The following GRM8 variants were observed in gnomAD, a reference collection of about 807,000 sequenced individuals.
GRM8 encodes glutamate metabotropic receptor 8.
Under a neutral mutation model 87.2 loss-of-function variants are expected in GRM8, and 47 were observed. That is an observed-to-expected ratio of 0.54 (90% confidence interval 0.43 to 0.69). The LOEUF (loss-of-function observed/expected upper bound fraction) is 0.69. GRM8 is among the 30% of genes least tolerant of loss of function. GRM8 has a pLI of 0.00. For missense variants in GRM8, 1,019 were observed against 1,139.2 expected, an observed-to-expected ratio of 0.89 and a Z score of 1.52; for synonymous variants, 396 against 404.5, an observed-to-expected ratio of 0.98 and a Z score of 0.25.
chr7:127,015,056 A>G lies in GRM8; in HGVS notation c.727+91440T>C, dbSNP rs1563413230. ...GAAGAAGAAGAAGAAGAAGAAGAAG[A>G]AGAAGAAGAAGAAAGAAAGAAGGAG... On this transcript the variant is annotated intron_variant, in intron 3 of 10. Coordinates refer to ENST00000339582, the MANE Select transcript of GRM8 (RefSeq NM_000845.3). Among the ~76,000 whole-genome samples the G allele has an allele frequency of 2.8e-4, 35 of 122,866 alleles. 1 individual carries two copies. The highest frequency in any genetic ancestry group is 2.0e-3 in the South Asian group (7 of 3,578). The allele number at this position is 122,866 out of a possible 152,430, so 80.6% of individuals were successfully genotyped here. A position where few individuals can be genotyped will look rare whatever the true frequency, so the allele number is the denominator to read the frequency against.
intron 9 of GRM8, among the ~76,000 whole-genome samples, chr7:126,473,744 T>C (rs1210541658): frequency 1.3e-5 from 2 of 152,180 alleles, no homozygotes; most frequent in Non-Finnish European, 2.9e-5. Context: ...AGTCCCCATG[T>C]GTCTTGGGAG....
At chr7:127,078,804 G>A (rs1822552680) in intron 3 of GRM8, among the ~76,000 whole-genome samples, 2 of 152,288 alleles carry the variant, frequency 1.3e-5, no homozygotes, top group South Asian at 4.1e-4. Flanking sequence ...TCTTGACTAA[G>A]GATACGTGGT....
At chr7:126,718,901 A>C (rs1356461012) in intron 7 of GRM8, among the ~76,000 whole-genome samples, 1 of 152,180 alleles carries the variant, frequency 6.6e-6, no homozygotes, top group Non-Finnish European at 1.5e-5. Flanking sequence ...TAACCTTACT[A>C]TCTACTTCTT....
intron 7 of GRM8, among the ~76,000 whole-genome samples, chr7:126,637,798 T>C (rs915233794): frequency 6.6e-6 from 1 of 152,144 alleles, no homozygotes; most frequent in African/African-American, 2.4e-5. Context: ...GAGTAATCAT[T>C]ACCATCTGCC....
chr7:126,985,275 G>C (rs925383448), intron 3 of GRM8, among the ~76,000 whole-genome samples: 1 of 152,070 alleles, frequency 6.6e-6, no homozygotes, highest in Non-Finnish European at 1.5e-5. Context: ...TCTTTCTGTT[G>C]GCAACTTTTG....
chr7:126,641,673 A>G (rs1038728615), intron 7 of GRM8, among the ~76,000 whole-genome samples: 12 of 152,192 alleles, frequency 7.9e-5, no homozygotes, highest in Admixed American at 7.2e-4. Context: ...TGAGAAAAAT[A>G]AAGCTTAGAA....
intron 9 of GRM8, among the ~76,000 whole-genome samples, chr7:126,454,439 C>CA: frequency 6.6e-6 from 1 of 151,356 alleles, no homozygotes; most frequent in Admixed American, 6.6e-5. Context: ...TTTTTAAAGA[C>CA]AAAATAATTG....
intron 2 of GRM8, among the ~76,000 whole-genome samples, chr7:127,163,772 T>A (rs1475616153): frequency 6.6e-6 from 1 of 152,158 alleles, no homozygotes; most frequent in African/African-American, 2.4e-5. Context: ...AGGGTCTTTA[T>A]AATTTTCCCT....
At chr7:127,205,085 G>A (rs1395660631) in intron 2 of GRM8, among the ~76,000 whole-genome samples, 1 of 152,152 alleles carries the variant, frequency 6.6e-6, no homozygotes, top group Non-Finnish European at 1.5e-5. Context: ...GATCCTGATT[G>A]TATGAGACAA....
intron 3 of GRM8, among the ~76,000 whole-genome samples, chr7:127,041,122 G>A (rs1818391303): frequency 6.6e-6 from 1 of 152,298 alleles, no homozygotes; most frequent in South Asian, 2.1e-4. Flanking sequence ...GTCAGGCAAG[G>A]AGGGGGTAAA....
At chr7:127,025,518 T>C (rs1407111532) in intron 3 of GRM8, among the ~76,000 whole-genome samples, 1 of 152,160 alleles carries the variant, frequency 6.6e-6, no homozygotes, top group African/African-American at 2.4e-5. Context: ...GCCTCTCTTT[T>C]AGTCCCACAG....
chr7:126,648,760 A>G (rs77287408), intron 7 of GRM8, among the ~76,000 whole-genome samples: 1 of 151,894 alleles, frequency 6.6e-6, no homozygotes, highest in Non-Finnish European at 1.5e-5. Context: ...AAAATTTACT[A>G]TGATTTAAAT....
intron 3 of GRM8, among the ~76,000 whole-genome samples, chr7:127,101,203 C>T (rs1022706124): frequency 2.0e-5 from 3 of 152,202 alleles, no homozygotes; most frequent in Non-Finnish European, 2.9e-5. Flanking sequence ...AAGTCTATCT[C>T]CTCTTCCATT....
chr7:127,118,559 G>T (rs1031568248), intron 2 of GRM8, among the ~76,000 whole-genome samples: 2 of 152,104 alleles, frequency 1.3e-5, no homozygotes. Context: ...TGTTCATTTT[G>T]CCAACATTTA....
chr7:126,642,357 G>A (rs983178022), intron 7 of GRM8, among the ~76,000 whole-genome samples: 3 of 152,134 alleles, frequency 2.0e-5, no homozygotes, highest in Non-Finnish European at 4.4e-5. Context: ...TGATACTGTA[G>A]GCCAGGGGCG....
intron 8 of GRM8, among the ~76,000 whole-genome samples, chr7:126,589,621 G>A (rs765827340): frequency 2.2e-4 from 33 of 152,076 alleles, no homozygotes; most frequent in Non-Finnish European, 4.4e-4. Flanking sequence ...ATACTACCAC[G>A]GCTCATGCTC....
intron 6 of GRM8, among the ~76,000 whole-genome samples, chr7:126,881,384 G>A (rs1308496604): frequency 2.0e-5 from 3 of 152,152 alleles, no homozygotes; most frequent in East Asian, 1.9e-4. Context: ...ACATGATCAC[G>A]GCCAGCGCAC....
chr7:126,511,564 G>A (rs543579698), intron 9 of GRM8: 2 of 152,162 alleles, frequency 1.3e-5, no homozygotes, highest in East Asian at 1.9e-4. Flanking sequence ...AGTTACCAGA[G>A]GAAAGTTACC....
At chr7:126,816,159 C>T (rs1223143633) in intron 6 of GRM8, among the ~76,000 whole-genome samples, 1 of 152,044 alleles carries the variant, frequency 6.6e-6, no homozygotes, top group Non-Finnish European at 1.5e-5. Flanking sequence ...AAGAAAAATC[C>T]AAATATGCAT....
Sources: allele counts gnomAD v4.1 joint callset (sites outside exome capture counted in the v4.1 genomes callset), GRCh38; gene constraint gnomAD v4.1.1; transcripts MANE v1.5; gene names NCBI Gene and HGNC (gene_info 2026-07-23, HGNC 2026-07-21).